The following DUSP10 variants were observed in gnomAD, a reference collection of about 807,000 sequenced individuals.
The protein encoded by DUSP10 is dual specificity protein phosphatase 10.
DUSP10 carries 14 observed loss-of-function variants against 30.8 expected under a neutral mutation model. That is an observed-to-expected ratio of 0.46 (90% CI 0.30 to 0.71). DUSP10 has a LOEUF of 0.71. Among genes scored for constraint, DUSP10 ranks in the 30% least tolerant of loss-of-function variants. The probability of loss-of-function intolerance (pLI) is 0.08; values close to 1 mark genes in which losing one functional copy is unlikely to be tolerated. For synonymous variants in DUSP10, 254 were observed against 250.4 expected (o/e 1.01, Z -0.14); for missense variants, 550 against 619.4 (o/e 0.89, Z 1.19).
chr1:221,716,727 G>A (rs1235392993), intron 2 of DUSP10, among the ~76,000 whole-genome samples: 1 of 152,208 alleles, frequency 6.6e-6, no homozygotes, highest in Admixed American at 6.5e-5. Flanking sequence ...AGACAGCCAA[G>A]TTCCAGCCCC....
chr1:221,741,729 C>T (rs947942442), intron 1 of DUSP10, among the ~76,000 whole-genome samples: 4 of 151,988 alleles, frequency 2.6e-5, no homozygotes, highest in African/African-American at 9.7e-5. Flanking sequence ...TTTTTCTTCG[C>T]CCCAAATCCA....
chr1:221,734,555 T>C (rs1475183956), intron 2 of DUSP10, among the ~76,000 whole-genome samples: 6 of 152,262 alleles, frequency 3.9e-5, no homozygotes, highest in African/African-American at 1.2e-4. Flanking sequence ...CTGAACACTT[T>C]ACACACATTA....
Position 221,739,125 on chromosome 1 carries a change from T to C in DUSP10, c.620A>G (p.Gln207Arg). The part of the protein sequence containing the change: ...ADKISRRRLQ[Q>R]GKITVLDLIS... ...CAAGTCTAGGACAGTGATCTTGCCC[T>C]GCTGCAGTCTCCGCCGGCTGATCTT... is the stretch of plus-strand genomic sequence containing the variant. The change falls in exon 2 of 4, where the codon CAG (glutamine) becomes CGG (arginine). Residue 207 changes from glutamine to arginine, a missense_variant. Physicochemically the swap from Gln to Arg is conservative, Grantham distance 43 (BLOSUM62 1). Coordinates refer to ENST00000366899, the MANE Select transcript of DUSP10 (RefSeq NM_007207.6). 2 of 1,614,254 alleles carry C rather than the reference T, an allele frequency of 1.2e-6. No homozygotes were observed. The highest frequency in any genetic ancestry group is 8.5e-7 in the Non-Finnish European group (1 of 1,180,040).
chr1:221,729,789 A>C (rs1221696009), intron 2 of DUSP10, among the ~76,000 whole-genome samples: 1 of 152,258 alleles, frequency 6.6e-6, no homozygotes, highest in Non-Finnish European at 1.5e-5. Context: ...TGAGAACCAT[A>C]AGACCCGTTC....
intron 2 of DUSP10, among the ~76,000 whole-genome samples, chr1:221,724,669 T>C (rs1057082494): frequency 1.3e-5 from 2 of 152,212 alleles, no homozygotes; most frequent in African/African-American, 4.8e-5. Flanking sequence ...GTGTCATAAT[T>C]GTTCCCATTC....
At chr1:221,730,397 G>C (rs1378908763) in intron 2 of DUSP10, among the ~76,000 whole-genome samples, 1 of 152,150 alleles carries the variant, frequency 6.6e-6, no homozygotes, top group Non-Finnish European at 1.5e-5. Context: ...TACTTGATGT[G>C]TGCAATGGAC....
intron 2 of DUSP10, among the ~76,000 whole-genome samples, chr1:221,720,406 C>A (rs1661248356): frequency 6.6e-6 from 1 of 152,232 alleles, no homozygotes; most frequent in Non-Finnish European, 1.5e-5. Context: ...CCATCCATCT[C>A]CTTCATCTGA....
intron 1 of DUSP10, among the ~76,000 whole-genome samples, chr1:221,741,127 C>T (rs1387390680): frequency 6.6e-6 from 1 of 152,222 alleles, no homozygotes; most frequent in African/African-American, 2.4e-5. Flanking sequence ...GGGGCACGCA[C>T]CCATCACGTC....
Position 221,739,080 on chromosome 1 carries a change from T to C in DUSP10, c.665A>G (p.Lys222Arg), listed in dbSNP as rs1479048708. The C allele has an allele frequency of 1.9e-6, 3 of 1,614,196 alleles. No homozygotes were observed. The East Asian group carries it at 6.7e-5, about 36-fold the overall frequency. ...VLDLISCREG[K>R]DSFKRIFSKE... is the part of the protein sequence containing the mutation. ...GGAAAAGATCCTCTTGAAAGAGTCC[T>C]TGCCTTCCCTACAGGAAATCAAGTC... Residue 222 changes from lysine to arginine, a missense_variant, in exon 2 of 4, where the codon AAG (lysine) becomes AGG (arginine). By Grantham distance (26) the Lys-to-Arg change is conservative. Coordinates refer to ENST00000366899, the MANE Select transcript of DUSP10 (RefSeq NM_007207.6).
chr1:221,740,882 C>G (rs911292140), intron 1 of DUSP10, among the ~76,000 whole-genome samples: 1 of 152,226 alleles, frequency 6.6e-6, no homozygotes, highest in Non-Finnish European at 1.5e-5. Context: ...GGGCACTCTA[C>G]AACTCAGGCT....
chr1:221,714,875 A>G (rs1461607260), intron 2 of DUSP10, among the ~76,000 whole-genome samples: 2 of 152,096 alleles, frequency 1.3e-5, no homozygotes, highest in Non-Finnish European at 2.9e-5. Context: ...CTCTCAGATG[A>G]TGTGCCATTC....
intron 2 of DUSP10, among the ~76,000 whole-genome samples, chr1:221,731,858 C>T (rs913470695): frequency 5.3e-5 from 8 of 151,834 alleles, no homozygotes; most frequent in East Asian, 3.9e-4. Context: ...CCATCTGCCT[C>T]GGCCTCCCAA....
Position 221,739,728 on chromosome 1 carries a change from A to G in DUSP10, c.17T>C (p.Leu6Ser). The part of the protein sequence containing the change: MPPSP[L>S]DDRVVVALSR... Reference sequence around the variant, plus strand: ...TAGTGCCACTACTACCCTGTCGTCTAAAGGAGACGGAGGCATGAGGAGGCT... The same window carrying G: ...TAGTGCCACTACTACCCTGTCGTCTGAAGGAGACGGAGGCATGAGGAGGCT... Residue 6 changes from leucine (L) to serine (S), a missense_variant, in exon 2 of 4, where the codon TTA (leucine) becomes TCA (serine). By Grantham distance (145) the Leu-to-Ser change is moderately radical. Coordinates refer to ENST00000366899, the MANE Select transcript of DUSP10 (RefSeq NM_007207.6). 1 of 1,598,104 alleles carries G rather than the reference A, an allele frequency of 6.3e-7. No individual in the cohort carries two copies. The highest frequency in any genetic ancestry group is 8.5e-7 in the Non-Finnish European group (1 of 1,169,862).
chr1:221,716,986 C>G (rs1661124508), intron 2 of DUSP10, among the ~76,000 whole-genome samples: 1 of 152,172 alleles, frequency 6.6e-6, no homozygotes, highest in African/African-American at 2.4e-5. Context: ...GCTGCAGAGG[C>G]CCCTTCCCTG....
intron 2 of DUSP10, among the ~76,000 whole-genome samples, chr1:221,716,832 T>G (rs1411168807): frequency 6.6e-6 from 1 of 152,202 alleles, no homozygotes; most frequent in Non-Finnish European, 1.5e-5. Flanking sequence ...CAGGGAGAAA[T>G]GCACACCATA....
chr1:221,739,827 C>T (rs767207636), intron 1 of DUSP10, 40 bp from the exon 2 acceptor site: 40 of 1,480,092 alleles, frequency 2.7e-5, no homozygotes, highest in Non-Finnish European at 3.5e-5. Context: ...AATAAAGTCA[C>T]GTGACACAAA....
rs997180395 is a variant in DUSP10 at position 221,706,776 on chromosome 1, A to C, written c.812-310T>G. 3.9e-5 allele frequency among the ~76,000 whole-genome samples: 6 copies of C among 152,236 alleles called. No individual in the cohort carries two copies. Among genetic ancestry groups the C allele is most frequent in the African/African-American group, 1.4e-4 (6 of 41,544 alleles). On this transcript the variant is annotated intron_variant, in intron 2 of 3. Coordinates refer to ENST00000366899, the MANE Select transcript of DUSP10 (RefSeq NM_007207.6). This position sits in a 1 kb window ranked among gnomAD's most constrained non-coding sequence, Gnocchi z 4.6. Reference sequence around the variant, plus strand: ...CACGCGGCATCAGGCAATCTTCCTCAGCTGCAAATGTGACCTGCCTCAAAG... The same window carrying C: ...CACGCGGCATCAGGCAATCTTCCTCCGCTGCAAATGTGACCTGCCTCAAAG...
At chr1:221,719,840 T>C (rs752982597) in intron 2 of DUSP10, among the ~76,000 whole-genome samples, 14 of 152,328 alleles carry the variant, frequency 9.2e-5, no homozygotes, top group Non-Finnish European at 1.5e-4. Context: ...TTGCCACCCC[T>C]ATACAATCAG....
intron 3 of DUSP10, among the ~76,000 whole-genome samples, chr1:221,704,547 A>G (rs894493823): frequency 2.6e-5 from 4 of 152,186 alleles, no homozygotes; most frequent in African/African-American, 9.7e-5. Flanking sequence ...TTTCTTCCTC[A>G]GCGCTCCAGG....
Sources: allele counts gnomAD v4.1 joint callset (sites outside exome capture counted in the v4.1 genomes callset), GRCh38; gene constraint gnomAD v4.1.1; non-coding constraint Gnocchi (gnomAD v3.1); transcripts MANE v1.5; gene names NCBI Gene and HGNC (gene_info 2026-07-23, HGNC 2026-07-21).